ACTR3C: variants seen among roughly 807,000 people sequenced by gnomAD.
ACTR3C encodes the protein actin-related protein 3C.
ACTR3C carries 18 observed loss-of-function variants against 26.3 expected under a neutral mutation model. The ratio of observed to expected loss-of-function variants is 0.68; its 90% CI spans 0.47 to 1.01. ACTR3C has a LOEUF of 1.01. ACTR3C is among the 50% of genes least tolerant of loss of function. The pLI is 0.00. For missense variants in ACTR3C, 184 were observed against 250.7 expected, an observed-to-expected ratio of 0.73 and a Z score of 1.80; for synonymous variants, 55 against 94.5, an observed-to-expected ratio of 0.58 and a Z score of 2.42.
chr7:150,074,008 C>G, the ACTR3C span: 1 of 152,252 alleles, frequency 6.6e-6, no homozygotes, highest in Admixed American at 6.5e-5. Context: ...AAGTCACGTC[C>G]AGGGATCACT....
chr7:149,900,135 C>G, the ACTR3C span, among the ~76,000 whole-genome samples: 1 of 149,820 alleles, frequency 6.7e-6, no homozygotes, highest in Admixed American at 6.7e-5. Context: ...TTGGGATGTT[C>G]AGGCAGTCCA....
At chr7:150,105,427 G>A in the ACTR3C span, among the ~76,000 whole-genome samples, 1 of 151,924 alleles carries the variant, frequency 6.6e-6, no homozygotes, top group African/African-American at 2.4e-5. Flanking sequence ...CTGTCCTTAT[G>A]TTTCACTAGC....
At chr7:149,921,640 G>A in the ACTR3C span, among the ~76,000 whole-genome samples, 3 of 152,182 alleles carry the variant, frequency 2.0e-5, no homozygotes, top group Non-Finnish European at 4.4e-5. Flanking sequence ...ACTTTGGGAG[G>A]CTGAGGCAGG....
At chr7:149,914,882 CTTT>C in the ACTR3C span, among the ~76,000 whole-genome samples, 33 of 131,022 alleles carry the variant, frequency 2.5e-4, no homozygotes, top group Admixed American at 3.8e-4. Flanking sequence ...AAATTTAATT[CTTT>C]TTTTTTTTTT....
At chr7:150,098,607 C>T in the ACTR3C span, among the ~76,000 whole-genome samples, 2 of 151,670 alleles carry the variant, frequency 1.3e-5, no homozygotes, top group Non-Finnish European at 2.9e-5. Flanking sequence ...CAGGAATATA[C>T]AAAAAGCGTT....
At chr7:150,033,806 G>A in the ACTR3C span, among the ~76,000 whole-genome samples, 1 of 151,832 alleles carries the variant, frequency 6.6e-6, no homozygotes. Context: ...AGGGGGGGAA[G>A]AGGGACTGGC....
chr7:149,949,318 G>C, the ACTR3C span, among the ~76,000 whole-genome samples: 1 of 143,824 alleles, frequency 7.0e-6, no homozygotes, highest in African/African-American at 2.9e-5. Context: ...GGAGGTTGCA[G>C]TGAGCTGAGA....
At chr7:150,316,483 A>T (rs73170172) in intron 1 of ACTR3C, among the ~76,000 whole-genome samples, 1,492 of 80,378 alleles carry the variant, frequency 0.019, 93 homozygotes, top group Middle Eastern at 0.033. Flanking sequence ...GAATCTGGTT[A>T]TTTTTTTTTT....
At chr7:150,179,509 T>G in the ACTR3C span, among the ~76,000 whole-genome samples, 2 of 149,790 alleles carry the variant, frequency 1.3e-5, no homozygotes, top group East Asian at 3.9e-4. Flanking sequence ...TGTCTTATTT[T>G]ATTTTTATTG....
At chr7:150,158,905 G>A in the ACTR3C span, among the ~76,000 whole-genome samples, 2 of 148,610 alleles carry the variant, frequency 1.3e-5, no homozygotes, top group Admixed American at 1.3e-4. Flanking sequence ...GCACACACGT[G>A]CGCACACACA....
the ACTR3C span, among the ~76,000 whole-genome samples, chr7:150,183,864 G>A: frequency 3.3e-5 from 5 of 150,100 alleles, no homozygotes; most frequent in Non-Finnish European, 7.4e-5. Context: ...TTATGGGTGT[G>A]GTTCCCCCCA....
chr7:150,242,901 G>T (rs952856711), downstream of ACTR3C, among the ~76,000 whole-genome samples: 24 of 152,244 alleles, frequency 1.6e-4, no homozygotes, highest in African/African-American at 5.3e-4. Flanking sequence ...TTTTCAGCAA[G>T]AATTTATTTG....
chr7:150,231,574 G>A, the ACTR3C span, among the ~76,000 whole-genome samples: 1 of 150,096 alleles, frequency 6.7e-6, no homozygotes, highest in African/African-American at 2.5e-5. Context: ...ATAGAACTGT[G>A]AGCCAAATAA....
At chr7:150,257,372 G>A (rs545128793) in intron 6 of ACTR3C, among the ~76,000 whole-genome samples, 2 of 152,304 alleles carry the variant, frequency 1.3e-5, no homozygotes, top group East Asian at 3.9e-4. Flanking sequence ...ACATATGAAT[G>A]CATGGCTGAG....
the ACTR3C span, among the ~76,000 whole-genome samples, chr7:149,883,188 AAAGGGTGGCCAGGTGG>A: frequency 1.3e-5 from 2 of 152,222 alleles, no homozygotes; most frequent in Non-Finnish European, 2.9e-5. Context: ...ACAGGAACTC[AAAGGGTGGCCAGGTGG>A]TCCCAGGGAT....
the ACTR3C span, among the ~76,000 whole-genome samples, chr7:150,220,278 A>G: frequency 6.8e-6 from 1 of 146,962 alleles, no homozygotes; most frequent in African/African-American, 2.7e-5. Flanking sequence ...ACCTGACGCT[A>G]TTGGAGACTC....
At chr7:149,967,542 C>A in the ACTR3C span, among the ~76,000 whole-genome samples, 1 of 152,168 alleles carries the variant, frequency 6.6e-6, no homozygotes, top group Non-Finnish European at 1.5e-5. Flanking sequence ...CCCCCTGTTG[C>A]TTTCTGCTTA....
the ACTR3C span, among the ~76,000 whole-genome samples, chr7:150,038,874 C>A: frequency 2.1e-4 from 25 of 118,292 alleles, no homozygotes; most frequent in East Asian, 9.2e-4. Flanking sequence ...TCAGTCCCTG[C>A]CTCGCGGGGG....
the ACTR3C span, among the ~76,000 whole-genome samples, chr7:150,180,954 T>C: frequency 4.8e-4 from 73 of 151,618 alleles, no homozygotes; most frequent in African/African-American, 1.7e-3. Flanking sequence ...CAATCCCTCA[T>C]TTACTTACAT....
Sources: gnomAD v4.1 joint callset for allele counts (sites outside exome capture counted in the v4.1 genomes callset) on GRCh38, gnomAD v4.1.1 for gene constraint, MANE v1.5 for transcripts, NCBI Gene and HGNC (gene_info 2026-07-23, HGNC 2026-07-21) for gene names.